Variants in CUL2 observed in about 807,000 individuals in gnomAD.
CUL2 encodes cullin 2.
CUL2 carries 22 observed loss-of-function variants against 110.2 expected under a neutral mutation model. That is an observed-to-expected ratio of 0.20 (90% CI 0.14 to 0.28). The LOEUF (loss-of-function observed/expected upper bound fraction) is 0.28. CUL2 is among the 10% of genes least tolerant of loss of function. The pLI is 1.00. For missense variants in CUL2, 631 were observed against 905.5 expected, an observed-to-expected ratio of 0.70 and a Z score of 3.89; for synonymous variants, 279 against 293.2, an observed-to-expected ratio of 0.95 and a Z score of 0.49.
intron 1 of CUL2, among the ~76,000 whole-genome samples, chr10:35,076,894 C>CA (rs1207229627): frequency 2.0e-5 from 3 of 151,734 alleles, no homozygotes; most frequent in East Asian, 3.9e-4. Context: ...ACTAAAAATA[C>CA]AAAAAAAATT....
At chr10:35,052,119 T>A (rs138016870) in intron 5 of CUL2, among the ~76,000 whole-genome samples, 1 of 152,194 alleles carries the variant, frequency 6.6e-6, no homozygotes, top group Non-Finnish European at 1.5e-5. Flanking sequence ...TTGACTCTTC[T>A]CTTTTTCCAC....
At chr10:35,123,158 A>AAAAAC (rs60181547) in intron 1 of CUL2, among the ~76,000 whole-genome samples, 146,190 of 151,516 alleles carry the variant, frequency 0.96, 70,736 homozygotes, top group East Asian at 1. Flanking sequence ...AAACATAACA[A>AAAAAC]AAAACAAAAC....
intron 1 of CUL2, among the ~76,000 whole-genome samples, chr10:35,107,761 G>C (rs1419903670): frequency 6.6e-6 from 1 of 151,264 alleles, no homozygotes; most frequent in African/African-American, 2.4e-5. Context: ...AGGCGCTTGT[G>C]GTCCCAGCAA....
chr10:35,093,073 C>T (rs566704222), upstream of CUL2, among the ~76,000 whole-genome samples: 2 of 152,182 alleles, frequency 1.3e-5, no homozygotes, highest in Admixed American at 1.3e-4. Flanking sequence ...GGTCCTATGG[C>T]CCCACCCAGA....
intron 1 of CUL2, among the ~76,000 whole-genome samples, chr10:35,126,165 C>G (rs903861651): frequency 1.3e-5 from 2 of 152,292 alleles, no homozygotes; most frequent in African/African-American, 4.8e-5. Flanking sequence ...CACTGTGTTC[C>G]CTAGGCTGGT....
intron 1 of CUL2, among the ~76,000 whole-genome samples, chr10:35,076,323 T>C (rs534865015): frequency 9.3e-4 from 142 of 152,256 alleles, no homozygotes; most frequent in African/African-American, 3.3e-3. Flanking sequence ...CTAAAGTTGA[T>C]TGTCATGATA....
rs1442288600 is a variant in CUL2, at chr10:35,076,645, A to G, written c.-22-5306T>C. ...ATGTTCCTGGGTGTATTTTATACAT[A>G]TATGTGATTTGTTACTCCCTTTTAC... On this transcript the variant is annotated intron_variant, in intron 1 of 20. Transcript: ENST00000374749. Among the ~76,000 whole-genome samples, 4 of 152,286 alleles carry G rather than the reference A, an allele frequency of 2.6e-5. No individual in the cohort carries two copies. The East Asian group carries it at 7.7e-4, about 29-fold the overall frequency.
chr10:35,043,284 C>T (rs1186091957), intron 8 of CUL2, among the ~76,000 whole-genome samples: 1 of 151,568 alleles, frequency 6.6e-6, no homozygotes, highest in African/African-American at 2.4e-5. Context: ...ATTCTTGGGG[C>T]TGGATCTAGA....
intron 3 of CUL2, among the ~76,000 whole-genome samples, chr10:35,062,409 A>G (rs1057125078): frequency 6.6e-6 from 1 of 152,192 alleles, no homozygotes; most frequent in African/African-American, 2.4e-5. Context: ...TTGGCTGTAT[A>G]AACACTATCC....
chr10:35,028,552 A>C (rs1182462413), intron 16 of CUL2, among the ~76,000 whole-genome samples: 1 of 152,234 alleles, frequency 6.6e-6, no homozygotes, highest in African/African-American at 2.4e-5. Context: ...AAAACTGCTT[A>C]ATAGCAGATG....
chr10:35,032,012 G>A (rs1166459289), intron 12 of CUL2, among the ~76,000 whole-genome samples: 3 of 152,082 alleles, frequency 2.0e-5, no homozygotes, highest in Non-Finnish European at 4.4e-5. Flanking sequence ...ACTGATATAA[G>A]TAATACAAAT....
chr10:35,045,018 G>C (rs1306104308), intron 6 of CUL2, 150 bp from the exon 7 acceptor site: 4 of 552,464 alleles, frequency 7.2e-6, no homozygotes, highest in Non-Finnish European at 9.6e-6. Flanking sequence ...TCTTAACAAT[G>C]ATTTTTTTTA....
chr10:35,074,375 A>C, intron 1 of CUL2: 1 of 661,380 alleles, frequency 1.5e-6, no homozygotes, highest in South Asian at 1.7e-5. Context: ...CACTGAACAC[A>C]TCAGCCTGAT....
At chr10:35,089,820 A>C (rs2490660) in intron 1 of CUL2, 69,224 of 146,724 alleles carry the variant, frequency 0.47, 16,921 homozygotes, top group East Asian at 0.64. Flanking sequence ...GCCCCCCCCC[A>C]CACACACACA....
chr10:35,041,762 C>T (rs1588986490), intron 8 of CUL2, among the ~76,000 whole-genome samples: 1 of 152,132 alleles, frequency 6.6e-6, no homozygotes, highest in Admixed American at 6.6e-5. Context: ...GTCCTGAACT[C>T]CTGGACTTGC....
At chr10:35,097,779 C>T (rs1465243711) in intron 2 of CUL2, among the ~76,000 whole-genome samples, 2 of 151,812 alleles carry the variant, frequency 1.3e-5, no homozygotes, top group Non-Finnish European at 2.9e-5. Context: ...GGCAATACAG[C>T]AAGACCCCAT....
At chr10:35,098,914 A>G (rs150362048) in intron 2 of CUL2, among the ~76,000 whole-genome samples, 19 of 152,066 alleles carry the variant, frequency 1.2e-4, no homozygotes, top group African/African-American at 4.6e-4. Flanking sequence ...AGCCTGGGCA[A>G]CAAAGCAAGA....
At chr10:35,028,251 G>GC (rs768099073) in intron 16 of CUL2, among the ~76,000 whole-genome samples, 1 of 152,150 alleles carries the variant, frequency 6.6e-6, no homozygotes, top group Non-Finnish European at 1.5e-5. Flanking sequence ...TCCTAATTTA[G>GC]CCTCCTATTC....
intron 1 of CUL2, among the ~76,000 whole-genome samples, chr10:35,106,197 T>C (rs2087452858): frequency 6.6e-6 from 1 of 152,188 alleles, no homozygotes; most frequent in South Asian, 2.1e-4. Context: ...TCTTCAGTCA[T>C]GTGAGGACAT....
Sources: allele counts gnomAD v4.1 joint callset (sites outside exome capture counted in the v4.1 genomes callset), GRCh38; gene constraint gnomAD v4.1.1; transcripts MANE v1.5; gene names NCBI Gene and HGNC (gene_info 2026-07-23, HGNC 2026-07-21).